Variants in GULP1 observed in about 807,000 individuals in gnomAD.
The protein encoded by GULP1 is GULP PTB domain containing engulfment adaptor 1.
In GULP1, 19 loss-of-function variants were observed where a neutral mutation model predicts 40.9. The ratio of observed to expected loss-of-function variants is 0.46; its 90% confidence interval spans 0.32 to 0.68. The LOEUF is 0.68. Ranked by LOEUF, GULP1 falls within the 30% of genes least tolerant of loss-of-function variation. The probability of loss-of-function intolerance (pLI) is 0.03; values close to 1 mark genes in which losing one functional copy is unlikely to be tolerated. For synonymous variants in GULP1, 119 were observed against 117.6 expected (o/e 1.01, Z -0.08); for missense variants, 312 against 362.2 (o/e 0.86, Z 1.12).
chr2:188,308,216 A>G (rs751685552), intron 1 of GULP1, among the ~76,000 whole-genome samples: 1 of 152,152 alleles, frequency 6.6e-6, no homozygotes, highest in African/African-American at 2.4e-5. Context: ...TCCTGACATC[A>G]GCACAGTCAT....
intron 2 of GULP1, among the ~76,000 whole-genome samples, chr2:188,465,685 G>A (rs886153868): frequency 3.9e-5 from 6 of 152,076 alleles, no homozygotes; most frequent in South Asian, 2.1e-4. Flanking sequence ...TTGGGCGAGC[G>A]TCACCTGAGT....
intron 1 of GULP1, among the ~76,000 whole-genome samples, chr2:188,311,841 A>G (rs1349472527): frequency 1.3e-5 from 2 of 148,218 alleles, no homozygotes; most frequent in East Asian, 3.9e-4. Context: ...TATGTACTAT[A>G]ATACTTAGAA....
At chr2:188,300,506 G>A (rs2035947343) in intron 1 of GULP1, among the ~76,000 whole-genome samples, 1 of 152,120 alleles carries the variant, frequency 6.6e-6, no homozygotes, top group Admixed American at 6.6e-5. Context: ...GTGCTAAGAA[G>A]TTTGGAAAAC....
intron 2 of GULP1, among the ~76,000 whole-genome samples, chr2:188,462,014 A>G (rs1218300846): frequency 6.6e-6 from 1 of 151,538 alleles, no homozygotes; most frequent in African/African-American, 2.4e-5. Flanking sequence ...AAGATGCATG[A>G]TTACATTATT....
intron 1 of GULP1, among the ~76,000 whole-genome samples, chr2:188,321,869 G>T (rs2040031055): frequency 6.6e-6 from 1 of 151,946 alleles, no homozygotes. Flanking sequence ...ATACAAATTA[G>T]CCGGGTGTGG....
chr2:188,569,114 G>C, intron 7 of GULP1, 125 bp from the exon 8 acceptor site: 2 of 628,072 alleles, frequency 3.2e-6, no homozygotes, highest in Non-Finnish European at 5.8e-6. Flanking sequence ...ACTCCCAACT[G>C]TTGCCCTTTT....
At chr2:188,566,821 G>T (rs866839258) in intron 7 of GULP1, among the ~76,000 whole-genome samples, 10 of 136,876 alleles carry the variant, frequency 7.3e-5, no homozygotes, top group Admixed American at 6.6e-4. Context: ...AAAAAAAAAA[G>T]GGGAAGGATA....
At chr2:188,411,826 C>G (rs990771096) in intron 2 of GULP1, among the ~76,000 whole-genome samples, 6 of 152,190 alleles carry the variant, frequency 3.9e-5, no homozygotes, top group African/African-American at 1.4e-4. Context: ...CGAAATTCTG[C>G]CCACTGGGAA....
At chr2:188,353,970 A>G (rs930401617) in intron 1 of GULP1, among the ~76,000 whole-genome samples, 1 of 151,968 alleles carries the variant, frequency 6.6e-6, no homozygotes, top group Non-Finnish European at 1.5e-5. Flanking sequence ...AGTGCAGTGG[A>G]TGAACTGAGA....
At chr2:188,478,804 A>G (rs1366930468) in intron 3 of GULP1, among the ~76,000 whole-genome samples, 2 of 152,256 alleles carry the variant, frequency 1.3e-5, no homozygotes, top group East Asian at 1.9e-4. Flanking sequence ...GTATGGATGG[A>G]TAATGAATAG....
At chr2:188,554,880 CCTTT>C (rs1286130870) in intron 7 of GULP1, among the ~76,000 whole-genome samples, 1 of 151,838 alleles carries the variant, frequency 6.6e-6, no homozygotes, top group African/African-American at 2.4e-5. Flanking sequence ...TGGATATATT[CCTTT>C]ATCATTATAT....
chr2:188,364,855 AACACAC>A (rs1187234384), intron 1 of GULP1, among the ~76,000 whole-genome samples: 1 of 143,064 alleles, frequency 7.0e-6, no homozygotes, highest in African/African-American at 2.6e-5. Flanking sequence ...TGTATCCACA[AACACAC>A]ACACACACAT....
intron 2 of GULP1, among the ~76,000 whole-genome samples, chr2:188,386,827 G>T: frequency 6.6e-6 from 1 of 152,182 alleles, no homozygotes; most frequent in Non-Finnish European, 1.5e-5. Flanking sequence ...CCCAGTTTAA[G>T]TTGAAAAAAA....
chr2:188,529,782 A>G (rs756549222), intron 6 of GULP1, among the ~76,000 whole-genome samples: 9 of 152,084 alleles, frequency 5.9e-5, no homozygotes, highest in Non-Finnish European at 1.2e-4. Flanking sequence ...GTCTCTTCTT[A>G]TAAGGACACT....
intron 1 of GULP1, among the ~76,000 whole-genome samples, chr2:188,349,985 G>T (rs2044221825): frequency 6.6e-6 from 1 of 152,060 alleles, no homozygotes; most frequent in African/African-American, 2.4e-5. Context: ...CCAATGATTT[G>T]TCTTGGCACC....
chr2:188,334,820 A>G (rs531910288), intron 1 of GULP1, among the ~76,000 whole-genome samples: 2 of 152,382 alleles, frequency 1.3e-5, no homozygotes, highest in African/African-American at 4.8e-5. Context: ...AGAAAGGTCA[A>G]TACCTTTCCT....
chr2:188,514,494 G>A (rs899465308), intron 4 of GULP1, among the ~76,000 whole-genome samples: 3 of 152,002 alleles, frequency 2.0e-5, no homozygotes, highest in Non-Finnish European at 4.4e-5. Flanking sequence ...CTTTAAGTAA[G>A]AAAAAAATGC....
rs1274484772 is a variant in GULP1, at chr2:188,595,026, A to G, written c.*1015A>G. On this transcript the variant is annotated 3_prime_UTR_variant, in exon 12 of 12. Transcript: ENST00000409830. ...TCAATATTTGGTAAATTCAATCTGT[A>G]TTTGTTTTGTTAAAGTCAAAAATCT... The G allele has an allele frequency of 6.9e-6, 1 of 145,446 alleles. No individual in the cohort carries two copies. Among genetic ancestry groups the G allele is most frequent in the Non-Finnish European group, 1.5e-5 (1 of 66,420 alleles). The allele number at this position is 145,446 out of a possible 1,614,324, so 9.0% of individuals were successfully genotyped here.
At chr2:188,587,820 T>A (rs964126632) in intron 10 of GULP1, 35 bp from the exon 11 acceptor site, 1 of 1,150,186 alleles carries the variant, frequency 8.7e-7, no homozygotes, top group Non-Finnish European at 1.3e-6. Flanking sequence ...TCACTTCTTG[T>A]TATTTCATTT....
Sources: gnomAD v4.1 joint callset for allele counts (sites outside exome capture counted in the v4.1 genomes callset) on GRCh38, gnomAD v4.1.1 for gene constraint, MANE v1.5 for transcripts, NCBI Gene and HGNC (gene_info 2026-07-23, HGNC 2026-07-21) for gene names.